UBR3: variants seen among roughly 807,000 people sequenced by gnomAD.
UBR3 encodes ubiquitin protein ligase E3 component n-recognin 3, also known as E3 ubiquitin-protein ligase UBR3.
Under a neutral mutation model 243.2 loss-of-function variants are expected in UBR3, and 85 were observed. The observed-to-expected ratio is 0.35, with a 90% confidence interval of 0.29 to 0.42. UBR3 has a LOEUF of 0.42. UBR3 is among the 10% of genes least tolerant of loss of function. UBR3 has a pLI of 1.00. For missense variants in UBR3, 1,686 were observed against 2,300.8 expected, an observed-to-expected ratio of 0.73 and a Z score of 5.47; for synonymous variants, 748 against 799.8, an observed-to-expected ratio of 0.94 and a Z score of 1.09.
In UBR3 at chr2:169,926,621, T is replaced by C. The variant is rs950741471; in HGVS notation, c.2152-71T>C. The C allele has an allele frequency of 4.2e-6, 6 of 1,420,648 alleles. No homozygotes were observed. In the African/African-American group the frequency reaches 8.8e-5, roughly 21 times the overall value. 88.0% of individuals were successfully genotyped at this position (1,420,648 alleles called of 1,614,324 possible). A position where few individuals can be genotyped will look rare whatever the true frequency, so the allele number is the denominator to read the frequency against. On this transcript the variant is annotated intron_variant, in intron 14 of 38. Transcript: ENST00000272793. ...AAAAAACAAAAAACAAAAAAAAGTATAGAAAAACATGATTAATAGAAGAAG... is the reference window on the plus strand; with the variant it reads ...AAAAAACAAAAAACAAAAAAAAGTACAGAAAAACATGATTAATAGAAGAAG...
At chr2:170,012,249 G>A (rs879432815) in intron 29 of UBR3, among the ~76,000 whole-genome samples, 3 of 152,052 alleles carry the variant, frequency 2.0e-5, no homozygotes, top group Non-Finnish European at 2.9e-5. Context: ...TCAATACTGG[G>A]TTTAAGGGAA....
intron 1 of UBR3, 84 bp from the exon 2 acceptor site, chr2:169,872,152 C>A: frequency 2.0e-6 from 2 of 995,932 alleles, no homozygotes; most frequent in Non-Finnish European, 2.8e-6. Flanking sequence ...GGCCTATATT[C>A]CATTTACGAA....
intron 23 of UBR3, among the ~76,000 whole-genome samples, chr2:169,954,454 G>A (rs1300612901): frequency 6.6e-6 from 1 of 151,434 alleles, no homozygotes; most frequent in Non-Finnish European, 1.5e-5. Flanking sequence ...TGTTGCCCAG[G>A]CTGGTCTCAA....
At chr2:169,964,452 T>C (rs1409687213) in intron 24 of UBR3, 1 of 469,880 alleles carries the variant, frequency 2.1e-6, no homozygotes, top group East Asian at 7.0e-5. Context: ...CAGAGCAGAT[T>C]GGGTGGTATT....
At chr2:169,857,127 G>A (rs1272065572) in intron 1 of UBR3, among the ~76,000 whole-genome samples, 1 of 118,882 alleles carries the variant, frequency 8.4e-6, no homozygotes, top group Non-Finnish European at 1.6e-5. Flanking sequence ...AGGCTAGAGT[G>A]CAGTGGTGCG....
intron 33 of UBR3, among the ~76,000 whole-genome samples, chr2:170,056,489 A>G (rs1259237727): frequency 6.6e-6 from 1 of 152,224 alleles, no homozygotes; most frequent in Non-Finnish European, 1.5e-5. Flanking sequence ...CTATAGAGTT[A>G]TAGAACCGAA....
intron 1 of UBR3, among the ~76,000 whole-genome samples, chr2:169,836,057 ATATATATATATTTTTTTTTTTTT>A (rs1361919098): frequency 9.6e-5 from 4 of 41,850 alleles, no homozygotes; most frequent in African/African-American, 2.1e-4. Context: ...ATATATATAT[ATATATATATATTTTTTTTTTTTT>A]TTTTTTTTTT....
At chr2:170,064,001 A>G (rs547243141) in intron 35 of UBR3, among the ~76,000 whole-genome samples, 135 of 152,272 alleles carry the variant, frequency 8.9e-4, no homozygotes, top group African/African-American at 3.1e-3. Context: ...TCCCCCATAT[A>G]CTTGCCAGCA....
At chr2:169,847,978 A>G (rs535536526) in intron 1 of UBR3, among the ~76,000 whole-genome samples, 2 of 152,320 alleles carry the variant, frequency 1.3e-5, no homozygotes, top group South Asian at 2.1e-4. Context: ...ACTCTGTCCT[A>G]TAAGCTATAG....
At position 170,005,389 on chromosome 2, in the gene UBR3, T is replaced by G. The variant is rs141883767; in HGVS notation, c.4030-1601T>G. On this transcript the variant is annotated intron_variant, in intron 27 of 38. Coordinates refer to ENST00000272793, the MANE Select transcript of UBR3 (RefSeq NM_172070.4). ...TATTTTTCTCTGACAACACTCAGTTTGAGTGCAGAATTGGAGACGGCATAC... is the reference window on the plus strand; with the variant it reads ...TATTTTTCTCTGACAACACTCAGTTGGAGTGCAGAATTGGAGACGGCATAC... Among the ~76,000 whole-genome samples the G allele has an allele frequency of 2.0e-5, 3 of 152,286 alleles. No individual in the cohort carries two copies. In the East Asian group the frequency reaches 5.8e-4, roughly 29 times the overall value.
At chr2:170,052,984 C>T (rs1277450216) in intron 32 of UBR3, among the ~76,000 whole-genome samples, 1 of 152,134 alleles carries the variant, frequency 6.6e-6, no homozygotes, top group East Asian at 1.9e-4. Flanking sequence ...GTCAATTATA[C>T]CTCAGTAAAG....
chr2:169,846,174 C>G (rs1009977378), intron 1 of UBR3, among the ~76,000 whole-genome samples: 2 of 152,066 alleles, frequency 1.3e-5, no homozygotes, highest in Admixed American at 6.6e-5. Flanking sequence ...CCAAATATAA[C>G]CGTGGATTTG....
intron 11 of UBR3, among the ~76,000 whole-genome samples, chr2:169,916,372 T>G (rs927382605): frequency 1.3e-5 from 2 of 152,126 alleles, no homozygotes; most frequent in African/African-American, 4.8e-5. Flanking sequence ...GAAGCAACTC[T>G]CATCTCAGTT....
At chr2:169,831,296 C>T (rs1297405495) in intron 1 of UBR3, among the ~76,000 whole-genome samples, 5 of 150,030 alleles carry the variant, frequency 3.3e-5, no homozygotes, top group African/African-American at 7.3e-5. Context: ...TGCGCCACCA[C>T]ACCCGGCTAA....
intron 2 of UBR3, among the ~76,000 whole-genome samples, chr2:169,874,065 A>T (rs1337198989): frequency 6.6e-6 from 1 of 152,086 alleles, no homozygotes; most frequent in Non-Finnish European, 1.5e-5. Context: ...AAATGGAAGC[A>T]TTTTTTATCT....
intron 25 of UBR3, among the ~76,000 whole-genome samples, chr2:169,991,959 G>A (rs1574354459): frequency 6.6e-6 from 1 of 152,048 alleles, no homozygotes; most frequent in Non-Finnish European, 1.5e-5. Flanking sequence ...TTGAGGTGAA[G>A]GAAAATGAAA....
intron 3 of UBR3, among the ~76,000 whole-genome samples, chr2:169,876,216 G>T (rs10174061): frequency 0.17 from 26,161 of 151,430 alleles, 2,528 homozygotes; most frequent in East Asian, 0.35. Context: ...GAGTAGCTGG[G>T]ACTACAGGCG....
At chr2:170,016,134 A>G (rs1375649890) in intron 30 of UBR3, among the ~76,000 whole-genome samples, 1 of 151,906 alleles carries the variant, frequency 6.6e-6, no homozygotes, top group African/African-American at 2.4e-5. Flanking sequence ...ACTAAAAAAT[A>G]GTAAGTATTA....
chr2:169,832,652 G>A lies in UBR3; in HGVS notation c.545+4600G>A, dbSNP rs2081975782. 6.2e-5 allele frequency among the ~76,000 whole-genome samples: 9 copies of A among 145,920 alleles called. 1 individual carries two copies. In the South Asian group the frequency reaches 2.0e-3, roughly 32 times the overall value. On this transcript the variant is annotated intron_variant, in intron 1 of 38. Coordinates refer to ENST00000272793, the MANE Select transcript of UBR3 (RefSeq NM_172070.4). ...AGTCATTGTCAGAAATGCTTTATGG[G>A]GGCCGGGCGTGGTGGCTCACACCTG...
Sources: gnomAD v4.1 joint callset for allele counts (sites outside exome capture counted in the v4.1 genomes callset) on GRCh38, gnomAD v4.1.1 for gene constraint, MANE v1.5 for transcripts, NCBI Gene and HGNC (gene_info 2026-07-23, HGNC 2026-07-21) for gene names.